The following APLP2 variants were observed in gnomAD, a reference collection of about 807,000 sequenced individuals.
APLP2 encodes the protein amyloid beta precursor like protein 2, also known as CDEI box-binding protein.
APLP2 carries 53 observed loss-of-function variants against 89.9 expected under a neutral mutation model. The ratio of observed to expected loss-of-function variants is 0.59; its 90% CI spans 0.47 to 0.74. APLP2 has a LOEUF of 0.74. Ranked by LOEUF, APLP2 falls within the 30% of genes least tolerant of loss-of-function variation. APLP2 has a pLI of 0.00. For missense variants in APLP2, 973 were observed against 975.9 expected, an observed-to-expected ratio of 1.00 and a Z score of 0.04; for synonymous variants, 372 against 348.6, an observed-to-expected ratio of 1.07 and a Z score of -0.75.
At chr11:130,076,861 G>A (rs1311849688) in intron 1 of APLP2, among the ~76,000 whole-genome samples, 1 of 152,206 alleles carries the variant, frequency 6.6e-6, no homozygotes, top group African/African-American at 2.4e-5. Flanking sequence ...AAGTGTATCA[G>A]ATGCTTCTAG....
In APLP2 at chr11:130,143,494, G is replaced by A. The variant is rs58625278; in HGVS notation, c.*46G>A. 673 of 1,512,726 alleles carry A rather than the reference G, an allele frequency of 4.4e-4. 6 individuals carry two copies. In the African/African-American group the frequency reaches 8.4e-3, roughly 19 times the overall value. The allele number at this position is 1,512,726 out of a possible 1,614,324, so 93.7% of individuals were successfully genotyped here. A position where few individuals can be genotyped will look rare whatever the true frequency, so the allele number is the denominator to read the frequency against. ...CCTGGCGGAGGGATGCAGGTGGGCC[G>A]GAAGATCCCACGATTCCGATCGACT... On this transcript the variant is annotated 3_prime_UTR_variant, in exon 17 of 17. Coordinates refer to ENST00000338167, the MANE Select transcript of APLP2 (RefSeq NM_001142276.2).
At position 130,130,069 on chromosome 11, in the gene APLP2, A is replaced by C; in HGVS notation, c.1487A>C (p.Tyr496Ser). 6.2e-7 allele frequency: 1 copy of C among 1,614,246 alleles called. No individual in the cohort carries two copies. The highest frequency in any genetic ancestry group is 8.5e-7 in the Non-Finnish European group (1 of 1,180,040). ...CGCATTCTCCAGGCCTTACGGCGTT[A>C]TGTCCGTGCTGAGAACAAAGATCGC... ...PHRILQALRRYVRAENKDRLH... is the reference protein window; with the variant it reads ...PHRILQALRRSVRAENKDRLH... The change falls in exon 11 of 17, where the codon TAT becomes TCT. Residue 496 changes from tyrosine to serine, a missense_variant. Physicochemically the swap from Tyr to Ser is moderately radical, Grantham distance 144. Transcript: ENST00000338167.
At chr11:130,103,909 AC>A (rs1565571781) in intron 1 of APLP2, among the ~76,000 whole-genome samples, 1 of 152,198 alleles carries the variant, frequency 6.6e-6, no homozygotes, top group African/African-American at 2.4e-5. Context: ...AAGCTTTCAG[AC>A]TTAACTATAG....
chr11:130,070,076 C>G lies in APLP2; in HGVS notation c.99C>G (p.Tyr33Ter). Reference protein sequence around the residue: ...LTAPALALAGYIEALAANAGT... With the variant: ...LTAPALALAG ...CGCCTGCCTTGGCGCTGGCCGGCTACATCGAGGTGGGGACCGGGCGAACGC... is the reference window on the plus strand; with the variant it reads ...CGCCTGCCTTGGCGCTGGCCGGCTAGATCGAGGTGGGGACCGGGCGAACGC... Residue 33 changes from tyrosine (Y) to a stop codon, truncating the protein, a stop_gained, in exon 1 of 17, where the codon TAC (tyrosine) becomes TAG (stop). Transcript: ENST00000338167. LOFTEE classifies it high-confidence loss of function. 6.8e-7 allele frequency: 1 copy of G among 1,473,588 alleles called. No individual in the cohort carries two copies. The highest frequency in any genetic ancestry group is 8.9e-7 in the Non-Finnish European group (1 of 1,120,378). 91.3% of individuals were successfully genotyped at this position (1,473,588 alleles called of 1,614,324 possible). A position where few individuals can be genotyped will look rare whatever the true frequency, so the allele number is the denominator to read the frequency against.
chr11:130,074,786 C>T (rs796796492), intron 1 of APLP2, among the ~76,000 whole-genome samples: 40 of 152,250 alleles, frequency 2.6e-4, no homozygotes, highest in African/African-American at 9.6e-4. Flanking sequence ...AAGCCAGCAC[C>T]TAACAATGAT....
chr11:130,100,430 G>A (rs2135676585), intron 1 of APLP2: 1 of 152,008 alleles, frequency 6.6e-6, no homozygotes, highest in Middle Eastern at 3.4e-3. Flanking sequence ...TTTCAGGTGT[G>A]TAAACACTGT....
chr11:130,129,200 G>A lies in APLP2; in HGVS notation c.1449G>A (p.Pro483=), dbSNP rs777486140. ...ACCTGGCTGCCTTGCAGTCTGACCC[G>A]CCACGGGTGAGTCCTGCCCCTAGCA... The part of the protein sequence containing the change: ...ENYLAALQSD[P]PRPHRILQAL... The change falls in exon 10 of 17, where the codon CCG becomes CCA. Residue 483 remains proline, a synonymous_variant. Coordinates refer to ENST00000338167, the MANE Select transcript of APLP2 (RefSeq NM_001142276.2). 40 of 1,612,904 alleles carry A rather than the reference G, an allele frequency of 2.5e-5. No individual in the cohort carries two copies. The highest frequency in any genetic ancestry group is 6.6e-5 in the South Asian group (6 of 90,978).
At chr11:130,077,961 A>G (rs1481229962) in intron 1 of APLP2, among the ~76,000 whole-genome samples, 1 of 151,554 alleles carries the variant, frequency 6.6e-6, no homozygotes, top group Non-Finnish European at 1.5e-5. Context: ...TACACAAAAG[A>G]AAAAAAAAGC....
At chr11:130,115,768 A>C (rs934402767) in intron 3 of APLP2, among the ~76,000 whole-genome samples, 1 of 152,214 alleles carries the variant, frequency 6.6e-6, no homozygotes, top group East Asian at 1.9e-4. Flanking sequence ...TTTTTTCCCT[A>C]GGAGCTTCTG....
chr11:130,141,918 G>C lies in APLP2; in HGVS notation c.1999-1G>C. 6.3e-7 allele frequency: 1 copy of C among 1,597,834 alleles called. No individual in the cohort carries two copies. Among genetic ancestry groups the C allele is most frequent in the Non-Finnish European group, 8.6e-7 (1 of 1,167,242 alleles). Reference sequence around the variant, plus strand: ...TTTTCCACGTCTGCTTTATTACGTAGGAATCCGTGGGCCCACTGCGGGAGG... The same window carrying C: ...TTTTCCACGTCTGCTTTATTACGTACGAATCCGTGGGCCCACTGCGGGAGG... On this transcript the variant is annotated splice_acceptor_variant, in intron 15 of 16. Coordinates refer to ENST00000338167, the MANE Select transcript of APLP2 (RefSeq NM_001142276.2). LOFTEE classifies it high-confidence loss of function. This position sits in a 1 kb window ranked among gnomAD's most constrained non-coding sequence, Gnocchi z 4.2.
intron 1 of APLP2, among the ~76,000 whole-genome samples, chr11:130,076,053 AT>A (rs1389452462): frequency 6.6e-6 from 1 of 152,010 alleles, no homozygotes; most frequent in African/African-American, 2.4e-5. Flanking sequence ...ATATTCACTG[AT>A]TTTTAAAAAC....
intron 1 of APLP2, among the ~76,000 whole-genome samples, chr11:130,079,800 C>T (rs1202973337): frequency 4.6e-5 from 7 of 152,304 alleles, no homozygotes; most frequent in Non-Finnish European, 5.9e-5. Flanking sequence ...GTGTCTTAGT[C>T]TGACTTCTCT....
intron 11 of APLP2, among the ~76,000 whole-genome samples, chr11:130,131,805 A>C (rs1950964870): frequency 6.6e-6 from 1 of 152,330 alleles, no homozygotes. Flanking sequence ...AGTGAGATCA[A>C]GCTTCCACAC....
Position 130,141,903 on chromosome 11 carries a change from C to T in APLP2, c.1999-16C>T. The T allele has an allele frequency of 1.3e-6, 2 of 1,587,064 alleles. No individual in the cohort carries two copies. The highest frequency in any genetic ancestry group is 2.3e-5 in the East Asian group (1 of 44,156). Reference sequence around the variant, plus strand: ...TGGTCACTGGGACTTTTTTCCACGTCTGCTTTATTACGTAGGAATCCGTGG... The same window carrying T: ...TGGTCACTGGGACTTTTTTCCACGTTTGCTTTATTACGTAGGAATCCGTGG... On this transcript the variant is annotated splice_polypyrimidine_tract_variant and intron_variant, in intron 15 of 16. Transcript: ENST00000338167. The surrounding 1 kb of genome is among the most constrained non-coding windows in gnomAD (Gnocchi z 4.2).
chr11:130,121,163 C>A (rs1949774973), intron 4 of APLP2, among the ~76,000 whole-genome samples: 1 of 152,198 alleles, frequency 6.6e-6, no homozygotes. Context: ...GACATATGCA[C>A]AGGCAGGACT....
intron 1 of APLP2, among the ~76,000 whole-genome samples, chr11:130,089,088 G>A (rs1315299926): frequency 6.6e-6 from 1 of 152,090 alleles, no homozygotes; most frequent in Non-Finnish European, 1.5e-5. Context: ...TTCTTTGGCT[G>A]TTAGCCTTGC....
chr11:130,133,736 C>T lies in APLP2; in HGVS notation c.1684+8C>T. 1 of 1,602,974 alleles carries T rather than the reference C, an allele frequency of 6.2e-7. No homozygotes were observed. Among genetic ancestry groups the T allele is most frequent in the South Asian group, 1.1e-5 (1 of 90,846 alleles). On this transcript the variant is annotated splice_region_variant and intron_variant, in intron 12 of 16. Transcript: ENST00000338167. The stretch of plus-strand genomic sequence containing the variant: ...AAATTCAAGAGGAAATTGGTGGGTA[C>T]CAGCTCTTTGTGTCAAGGTCATACG...
chr11:130,119,982 A>G (rs1021470894), intron 3 of APLP2, among the ~76,000 whole-genome samples: 7 of 152,212 alleles, frequency 4.6e-5, no homozygotes, highest in Admixed American at 2.6e-4. Context: ...TTTCATGACA[A>G]TGATATTTTT....
In APLP2 at chr11:130,123,894, T is replaced by A; in HGVS notation, c.1090+115T>A. On this transcript the variant is annotated intron_variant, in intron 7 of 16. Transcript: ENST00000338167. This position sits in a 1 kb window ranked among gnomAD's most constrained non-coding sequence, Gnocchi z 4.0. ...TGTCCCTGCCCACTCGGGTGTTTGC[T>A]GTCGGTCGTCTTCCCCTCATCTTTG... The A allele has an allele frequency of 8.4e-7, 1 of 1,192,736 alleles. No individual in the cohort carries two copies. The highest frequency in any genetic ancestry group is 1.2e-6 in the Non-Finnish European group (1 of 838,698). 73.9% of individuals were successfully genotyped at this position (1,192,736 alleles called of 1,614,324 possible).
Sources: gnomAD v4.1 joint callset for allele counts (sites outside exome capture counted in the v4.1 genomes callset) on GRCh38, gnomAD v4.1.1 for gene constraint, Gnocchi (gnomAD v3.1) non-coding constraint, MANE v1.5 for transcripts, NCBI Gene and HGNC (gene_info 2026-07-23, HGNC 2026-07-21) for gene names.